PDSS1: variants seen among roughly 807,000 people sequenced by gnomAD.
PDSS1 encodes the protein all trans-polyprenyl-diphosphate synthase PDSS1.
Under a neutral mutation model 57.5 loss-of-function variants are expected in PDSS1, and 43 were observed. The ratio of observed to expected loss-of-function variants is 0.75; its 90% CI spans 0.59 to 0.96. The LOEUF (loss-of-function observed/expected upper bound fraction) is 0.96. Ranked by LOEUF, PDSS1 falls within the 50% of genes least tolerant of loss-of-function variation. The probability of loss-of-function intolerance (pLI) is 0.00; values close to 1 mark genes in which losing one functional copy is unlikely to be tolerated. For missense variants in PDSS1, 438 were observed against 527.8 expected, an observed-to-expected ratio of 0.83 and a Z score of 1.67; for synonymous variants, 175 against 191.3, an observed-to-expected ratio of 0.91 and a Z score of 0.70.
At chr10:26,743,382 A>C (rs1026954665) in intron 11 of PDSS1, among the ~76,000 whole-genome samples, 5 of 152,222 alleles carry the variant, frequency 3.3e-5, no homozygotes, top group Non-Finnish European at 7.3e-5. Flanking sequence ...GTAGTACCTG[A>C]AAGACTTCCA....
At chr10:26,721,137 C>T (rs972927845) in intron 6 of PDSS1, among the ~76,000 whole-genome samples, 2 of 151,890 alleles carry the variant, frequency 1.3e-5, no homozygotes, top group East Asian at 3.9e-4. Flanking sequence ...AAAACCCTGT[C>T]ACCACTAAAA....
intron 11 of PDSS1, among the ~76,000 whole-genome samples, chr10:26,743,675 C>T (rs1836706903): frequency 6.6e-6 from 1 of 152,078 alleles, no homozygotes; most frequent in Non-Finnish European, 1.5e-5. Context: ...AATAGTAGCA[C>T]CTATGGAAAA....
At chr10:26,740,570 T>C (rs1455097171) in intron 10 of PDSS1, 1 of 454,120 alleles carries the variant, frequency 2.2e-6, no homozygotes, top group Admixed American at 2.4e-5. Flanking sequence ...GGCTTTTCTA[T>C]GTATGCCCTA....
At chr10:26,746,139 A>G (rs1157892282) in intron 11 of PDSS1, among the ~76,000 whole-genome samples, 194 bp from the exon 12 acceptor site, 1 of 152,218 alleles carries the variant, frequency 6.6e-6, no homozygotes. Flanking sequence ...AATTTGCTTC[A>G]ATATGAGAAA....
Position 26,746,517 on chromosome 10 carries a change from C to T in PDSS1, c.*44C>T, listed in dbSNP as rs768333405. 2.4e-5 allele frequency: 39 copies of T among 1,605,508 alleles called. No homozygotes were observed. In the South Asian group the frequency reaches 4.2e-4, roughly 17 times the overall value. On this transcript the variant is annotated 3_prime_UTR_variant, in exon 12 of 12. Coordinates refer to ENST00000376215, the MANE Select transcript of PDSS1 (RefSeq NM_014317.5). The stretch of plus-strand genomic sequence containing the variant: ...CTGGCAGCTATCTTACCAGACTGTG[C>T]CTAAAGAATTTTGTGGAATACACTT...
intron 5 of PDSS1, among the ~76,000 whole-genome samples, chr10:26,719,781 A>G (rs1219851577): frequency 6.6e-6 from 1 of 152,208 alleles, no homozygotes; most frequent in African/African-American, 2.4e-5. Flanking sequence ...CAAAAAAGAC[A>G]GTATTAAAAG....
At chr10:26,725,141 G>A (rs1488681529) in intron 8 of PDSS1, among the ~76,000 whole-genome samples, 1 of 152,070 alleles carries the variant, frequency 6.6e-6, no homozygotes, top group African/African-American at 2.4e-5. Context: ...CTCTAAGCCT[G>A]ACAGATACAC....
intron 4 of PDSS1, among the ~76,000 whole-genome samples, chr10:26,708,199 C>T (rs1043298277): frequency 1.3e-5 from 2 of 152,210 alleles, no homozygotes; most frequent in African/African-American, 4.8e-5. Flanking sequence ...GGCACTAAGT[C>T]GGTAATTTAC....
chr10:26,741,557 G>A (rs1836609555), intron 10 of PDSS1, among the ~76,000 whole-genome samples: 1 of 152,170 alleles, frequency 6.6e-6, no homozygotes, highest in South Asian at 2.1e-4. Context: ...TCAATGTCAT[G>A]CACCGCTGCT....
chr10:26,737,822 C>T, intron 10 of PDSS1, among the ~76,000 whole-genome samples: 1 of 150,536 alleles, frequency 6.6e-6, no homozygotes, highest in Non-Finnish European at 1.5e-5. Context: ...TTTATGTGTG[C>T]TTTGCTGGGA....
At chr10:26,740,143 A>G in intron 10 of PDSS1, among the ~76,000 whole-genome samples, 1 of 108,246 alleles carries the variant, frequency 9.2e-6, no homozygotes, top group East Asian at 6.7e-4. Flanking sequence ...CTCCATCTCA[A>G]AAAAAAAAAA....
At chr10:26,709,532 G>C in intron 4 of PDSS1, 106 bp from the exon 5 acceptor site, 1 of 1,140,730 alleles carries the variant, frequency 8.8e-7, no homozygotes, top group Non-Finnish European at 1.3e-6. Flanking sequence ...TTGCACTCCA[G>C]TCTGGGCAAC....
chr10:26,737,935 G>A (rs911813577), intron 10 of PDSS1, among the ~76,000 whole-genome samples: 22 of 152,210 alleles, frequency 1.4e-4, no homozygotes, highest in Admixed American at 1.4e-3. Context: ...TCAGAAAAGG[G>A]AACACAGAAT....
chr10:26,707,543 C>A (rs1444512217), intron 4 of PDSS1, among the ~76,000 whole-genome samples: 2 of 152,124 alleles, frequency 1.3e-5, no homozygotes. Context: ...TTGACTGTAA[C>A]CCCTCCTTGA....
intron 8 of PDSS1, among the ~76,000 whole-genome samples, chr10:26,733,929 G>A (rs894825658): frequency 1.2e-4 from 19 of 152,100 alleles, no homozygotes; most frequent in African/African-American, 4.1e-4. Context: ...AGCTATGATC[G>A]CACCACTGTA....
At position 26,723,891 on chromosome 10, in the gene PDSS1, C is replaced by T; in HGVS notation, c.695C>T (p.Thr232Ile). 3 of 1,611,812 alleles carry T rather than the reference C, an allele frequency of 1.9e-6. No homozygotes were observed. The highest frequency in any genetic ancestry group is 2.5e-6 in the Non-Finnish European group (3 of 1,177,894). Residue 232 changes from threonine to isoleucine, a missense_variant, in exon 7 of 12, where the codon ACC becomes ATC. This residue lies in a region of PDSS1 where 284 missense variants were observed against 390.7 expected (regional missense o/e 0.73). Coordinates refer to ENST00000376215, the MANE Select transcript of PDSS1 (RefSeq NM_014317.5). ...IGNTTVISIL[T>I]QVIEDLVRGE... is the part of the protein sequence containing the mutation. ...AATACAACTGTTATATCTATTTTAACCCAAGTTATTGAAGATTTGGTGCGT... is the reference window on the plus strand; with the variant it reads ...AATACAACTGTTATATCTATTTTAATCCAAGTTATTGAAGATTTGGTGCGT...
intron 5 of PDSS1, among the ~76,000 whole-genome samples, chr10:26,711,075 C>T (rs1216362315): frequency 2.0e-5 from 2 of 97,850 alleles, no homozygotes; most frequent in East Asian, 5.0e-4. Flanking sequence ...GGGCATGTCT[C>T]AGAATCCACC....
chr10:26,709,636 A>G lies in PDSS1; in HGVS notation c.337-2A>G. On this transcript the variant is annotated splice_acceptor_variant, in intron 4 of 11. Coordinates refer to ENST00000376215, the MANE Select transcript of PDSS1 (RefSeq NM_014317.5). LOFTEE classifies it high-confidence loss of function. ...TTGTGACACAGAGAAACTTTATTTCAGGAACTGCTTATATCAACATCAGAA... is the reference window on the plus strand; with the variant it reads ...TTGTGACACAGAGAAACTTTATTTCGGGAACTGCTTATATCAACATCAGAA... The G allele has an allele frequency of 6.2e-7, 1 of 1,613,704 alleles. No homozygotes were observed. Among genetic ancestry groups the G allele is most frequent in the Non-Finnish European group, 8.5e-7 (1 of 1,179,624 alleles).
Position 26,742,564 on chromosome 10 carries a change from A to G in PDSS1, c.1094A>G (p.Gln365Arg). Residue 365 changes from glutamine (Q) to arginine (R), a missense_variant, in exon 11 of 12, where the codon CAG (glutamine) becomes CGG (arginine). Gln to Arg is a conservative substitution (Grantham distance 43). Coordinates refer to ENST00000376215, the MANE Select transcript of PDSS1 (RefSeq NM_014317.5). ...CCTGGAGATGTAGACAGAGCTCGACAGTATGTACTACAGGTAAGACTGTTT... is the reference window on the plus strand; with the variant it reads ...CCTGGAGATGTAGACAGAGCTCGACGGTATGTACTACAGGTAAGACTGTTT... ...SLPGDVDRAR[Q>R]YVLQSDGVQQ... 11 of 1,605,170 alleles carry G rather than the reference A, an allele frequency of 6.9e-6. No homozygotes were observed. The highest frequency in any genetic ancestry group is 8.5e-6 in the Non-Finnish European group (10 of 1,172,266).
Sources: gnomAD v4.1 joint callset for allele counts (sites outside exome capture counted in the v4.1 genomes callset) on GRCh38, gnomAD v4.1.1 for gene constraint, gnomAD v4.1.1 regional missense constraint, MANE v1.5 for transcripts, NCBI Gene and HGNC (gene_info 2026-07-23, HGNC 2026-07-21) for gene names.